The following WLS variants were observed in gnomAD, a reference collection of about 807,000 sequenced individuals.
WLS encodes protein wntless homolog.
In WLS, 23 loss-of-function variants were observed where a neutral mutation model predicts 62.8. That is an observed-to-expected ratio of 0.37 (90% CI 0.26 to 0.52). The LOEUF (loss-of-function observed/expected upper bound fraction) is 0.52, where lower values mean the gene tolerates loss of function less well. Among genes scored for constraint, WLS ranks in the 20% least tolerant of loss-of-function variants. WLS has a pLI of 0.92. For missense variants in WLS, 615 were observed against 697.3 expected (o/e 0.88, Z 1.33); for synonymous variants, 246 against 244.1 (o/e 1.01, Z -0.07).
intron 11 of WLS, among the ~76,000 whole-genome samples, chr1:68,102,184 A>G (rs571470532): frequency 2.0e-4 from 30 of 152,294 alleles, no homozygotes; most frequent in Non-Finnish European, 3.7e-4. Flanking sequence ...CTCCTCCTGC[A>G]TTCTTCCCAG....
At chr1:68,105,797 G>A (rs894276521) in intron 11 of WLS, among the ~76,000 whole-genome samples, 1 of 152,142 alleles carries the variant, frequency 6.6e-6, no homozygotes, top group Non-Finnish European at 1.5e-5. Flanking sequence ...ACTGGGTTCT[G>A]GGGCTGCATC....
chr1:68,168,483 T>C (rs552553095), intron 2 of WLS, among the ~76,000 whole-genome samples: 3 of 152,326 alleles, frequency 2.0e-5, no homozygotes, highest in African/African-American at 7.2e-5. Context: ...TACCAGTTCC[T>C]TCTCCATCTA....
At chr1:68,113,494 C>T (rs942580881) in intron 11 of WLS, among the ~76,000 whole-genome samples, 5 of 152,162 alleles carry the variant, frequency 3.3e-5, no homozygotes, top group Non-Finnish European at 7.3e-5. Flanking sequence ...GAAATTCTGC[C>T]CTTATGAGCC....
At chr1:68,122,149 A>T, downstream of WLS, among the ~76,000 whole-genome samples, 1 of 152,238 alleles carries the variant, frequency 6.6e-6, no homozygotes, top group East Asian at 1.9e-4. Flanking sequence ...AAGAGTAGAT[A>T]AAATATAGTT....
chr1:68,180,796 T>C (rs2100566570), intron 2 of WLS, among the ~76,000 whole-genome samples: 1 of 152,304 alleles, frequency 6.6e-6, no homozygotes, highest in Middle Eastern at 3.4e-3. Flanking sequence ...CACAACCTGG[T>C]GTTGGGTCTG....
At chr1:68,109,612 G>A (rs1225766982) in intron 11 of WLS, among the ~76,000 whole-genome samples, 14 of 152,162 alleles carry the variant, frequency 9.2e-5, no homozygotes, top group Admixed American at 9.2e-4. Context: ...AATGAAAAAT[G>A]TTATTAAAAC....
chr1:68,135,305 C>CTTTT (rs71581156), intron 11 of WLS, among the ~76,000 whole-genome samples: 1,715 of 66,880 alleles, frequency 0.026, no homozygotes, highest in East Asian at 0.046. Context: ...CCATGCCTGG[C>CTTTT]TTTTTTTTTT....
At chr1:68,114,351 TAGG>T (rs1646264126) in intron 11 of WLS, among the ~76,000 whole-genome samples, 1 of 152,196 alleles carries the variant, frequency 6.6e-6, no homozygotes, top group Non-Finnish European at 1.5e-5. Context: ...TGGAGAAATT[TAGG>T]AGCCAATATA....
chr1:68,186,787 T>A, intron 2 of WLS: 1 of 374,756 alleles, frequency 2.7e-6, no homozygotes, highest in South Asian at 2.1e-5. Flanking sequence ...TGTATATTGC[T>A]GAATATATAT....
chr1:68,159,333 T>TA, intron 2 of WLS, 86 bp from the exon 3 acceptor site: 1 of 1,506,360 alleles, frequency 6.6e-7, no homozygotes, highest in Admixed American at 2.1e-5. Flanking sequence ...AGGCTTTGAC[T>TA]TGGAAACCAA....
At chr1:68,174,565 T>C (rs963149426) in intron 2 of WLS, among the ~76,000 whole-genome samples, 29 of 152,176 alleles carry the variant, frequency 1.9e-4, no homozygotes, top group Non-Finnish European at 3.7e-4. Flanking sequence ...CCATGACCCT[T>C]GGTGGAGCTG....
chr1:68,150,077 G>A, intron 6 of WLS, 111 bp downstream of exon 6: 1 of 1,169,162 alleles, frequency 8.6e-7, no homozygotes, highest in Non-Finnish European at 1.2e-6. Context: ...GTAACTACTA[G>A]TTTATTCTGT....
chr1:68,106,794 T>G (rs1470058867), intron 11 of WLS, among the ~76,000 whole-genome samples: 1 of 151,898 alleles, frequency 6.6e-6, no homozygotes, highest in East Asian at 1.9e-4. Context: ...GCTACTGGTA[T>G]GCAGTGTCCA....
At chr1:68,112,769 C>A (rs1283477705) in intron 11 of WLS, among the ~76,000 whole-genome samples, 1 of 152,212 alleles carries the variant, frequency 6.6e-6, no homozygotes, top group Non-Finnish European at 1.5e-5. Context: ...ATTTTAAGTT[C>A]CTTGAAGGTG....
intron 11 of WLS, among the ~76,000 whole-genome samples, chr1:68,108,572 C>T (rs1557444717): frequency 6.6e-6 from 1 of 152,184 alleles, no homozygotes; most frequent in Non-Finnish European, 1.5e-5. Flanking sequence ...GGGCAATGAG[C>T]TCAAAGAGTA....
chr1:68,128,970 C>T (rs1421841991), intron 11 of WLS, among the ~76,000 whole-genome samples: 1 of 150,342 alleles, frequency 6.7e-6, no homozygotes, highest in African/African-American at 2.4e-5. Context: ...TTCAAGTTTC[C>T]AGCAGCCAGT....
At chr1:68,105,808 CA>C (rs1646135703) in intron 11 of WLS, among the ~76,000 whole-genome samples, 1 of 152,032 alleles carries the variant, frequency 6.6e-6, no homozygotes, top group Admixed American at 6.6e-5. Flanking sequence ...GGGCTGCATC[CA>C]GGGAAAACAT....
chr1:68,134,233 A>G (rs184893151), intron 11 of WLS, among the ~76,000 whole-genome samples: 1 of 152,300 alleles, frequency 6.6e-6, no homozygotes, highest in Admixed American at 6.5e-5. Context: ...CGTAATTCCT[A>G]GGATACATCG....
intron 11 of WLS, among the ~76,000 whole-genome samples, chr1:68,110,218 A>T (rs1333456555): frequency 2.6e-5 from 4 of 151,984 alleles, no homozygotes; most frequent in African/African-American, 4.8e-5. Context: ...AAAGATTTTT[A>T]AAAAATTTAA....
Sources: allele counts gnomAD v4.1 joint callset (sites outside exome capture counted in the v4.1 genomes callset), GRCh38; gene constraint gnomAD v4.1.1; transcripts MANE v1.5; gene names NCBI Gene and HGNC (gene_info 2026-07-23, HGNC 2026-07-21).